PTPRR: variants seen among roughly 807,000 people sequenced by gnomAD.
PTPRR encodes receptor-type tyrosine-protein phosphatase R.
PTPRR carries 38 observed loss-of-function variants against 77.2 expected under a neutral mutation model. That is an observed-to-expected ratio of 0.49 (90% CI 0.38 to 0.65). PTPRR has a LOEUF of 0.65. Among genes scored for constraint, PTPRR ranks in the 30% least tolerant of loss-of-function variants. The probability of loss-of-function intolerance (pLI) is 0.00; values close to 1 mark genes in which losing one functional copy is unlikely to be tolerated. For missense variants in PTPRR, 744 were observed against 799.2 expected, an observed-to-expected ratio of 0.93 and a Z score of 0.83; for synonymous variants, 299 against 283.1, an observed-to-expected ratio of 1.06 and a Z score of -0.57.
intron 6 of PTPRR, among the ~76,000 whole-genome samples, chr12:70,726,974 G>A (rs1422276151): frequency 6.6e-6 from 1 of 152,046 alleles, no homozygotes; most frequent in Non-Finnish European, 1.5e-5. Context: ...ATGGCTAGGG[G>A]AGAGAAGGGG....
intron 10 of PTPRR, among the ~76,000 whole-genome samples, chr12:70,680,801 T>C (rs77191093): frequency 0.068 from 10,403 of 152,246 alleles, 558 homozygotes; most frequent in East Asian, 0.16. Flanking sequence ...TGGTGGTATA[T>C]GCGGACAGGT....
intron 2 of PTPRR, among the ~76,000 whole-genome samples, chr12:70,881,148 C>A (rs1016016805): frequency 4.6e-5 from 7 of 152,088 alleles, no homozygotes; most frequent in Non-Finnish European, 7.4e-5. Flanking sequence ...AACTTGATGG[C>A]TCAAGTCACA....
At chr12:70,898,574 T>C (rs1187629302) in intron 1 of PTPRR, among the ~76,000 whole-genome samples, 1 of 149,308 alleles carries the variant, frequency 6.7e-6, no homozygotes, top group Non-Finnish European at 1.5e-5. Context: ...TATATATGTA[T>C]ATACATATAT....
chr12:70,659,278 A>G (rs903653012), intron 12 of PTPRR, among the ~76,000 whole-genome samples: 12 of 152,110 alleles, frequency 7.9e-5, no homozygotes, highest in Non-Finnish European at 1.6e-4. Flanking sequence ...GGTGGCGGTG[A>G]GAGCATGGGG....
intron 2 of PTPRR, among the ~76,000 whole-genome samples, chr12:70,782,077 CA>C (rs1199008639): frequency 4.6e-5 from 7 of 152,032 alleles, no homozygotes; most frequent in African/African-American, 1.4e-4. Flanking sequence ...AAAAGATACC[CA>C]AATTTCTTGT....
rs368399555 is a variant in PTPRR, at chr12:70,770,833, G to T, written c.358-6055C>A. On this transcript the variant is annotated intron_variant, in intron 2 of 13. Transcript: ENST00000283228. ...GGAATACTATGCAGCCATAAAAAAT[G>T]ATGAGTTCATGTCCTTTGTAGGGAC... Among the ~76,000 whole-genome samples the T allele has an allele frequency of 4.4e-4, 67 of 152,116 alleles. No individual in the cohort carries two copies. In the East Asian group the frequency reaches 0.011, roughly 24 times the overall value.
At chr12:70,702,312 G>A (rs1470020201) in intron 6 of PTPRR, among the ~76,000 whole-genome samples, 1 of 152,004 alleles carries the variant, frequency 6.6e-6, no homozygotes, top group African/African-American at 2.4e-5. Flanking sequence ...ACTGAGGATT[G>A]AAGTCAGAGA....
chr12:70,883,197 G>A (rs1281302687), intron 2 of PTPRR, among the ~76,000 whole-genome samples: 1 of 152,102 alleles, frequency 6.6e-6, no homozygotes, highest in Non-Finnish European at 1.5e-5. Context: ...GAAGGTGAAG[G>A]TTGCAGTGAG....
chr12:70,790,973 C>T (rs1254514537), intron 2 of PTPRR, among the ~76,000 whole-genome samples: 1 of 152,066 alleles, frequency 6.6e-6, no homozygotes, highest in Non-Finnish European at 1.5e-5. Flanking sequence ...AGAACAAGAC[C>T]ACTTCTACCA....
intron 13 of PTPRR, among the ~76,000 whole-genome samples, chr12:70,641,016 T>A (rs12297160): frequency 4.6e-5 from 7 of 152,070 alleles, no homozygotes; most frequent in East Asian, 3.9e-4. Context: ...TAAGTATTCC[T>A]TGGTCAGAAG....
chr12:70,863,396 A>T (rs992129394), intron 2 of PTPRR, among the ~76,000 whole-genome samples: 9 of 152,184 alleles, frequency 5.9e-5, no homozygotes, highest in African/African-American at 2.2e-4. Context: ...AGGAAGTCAT[A>T]AATGATGCAT....
At chr12:70,720,699 G>A (rs530180876) in intron 6 of PTPRR, among the ~76,000 whole-genome samples, 1 of 152,090 alleles carries the variant, frequency 6.6e-6, no homozygotes, top group East Asian at 1.9e-4. Context: ...GCCCAGGCTG[G>A]TCTTGAACTG....
intron 4 of PTPRR, among the ~76,000 whole-genome samples, chr12:70,759,310 A>G (rs958217175): frequency 6.6e-6 from 1 of 152,148 alleles, no homozygotes; most frequent in Admixed American, 6.5e-5. Flanking sequence ...GAAGACACAG[A>G]TCAAATGACA....
chr12:70,824,971 A>G (rs544084383), intron 2 of PTPRR, among the ~76,000 whole-genome samples: 1 of 152,186 alleles, frequency 6.6e-6, no homozygotes, highest in Admixed American at 6.5e-5. Flanking sequence ...CTCCATGTAC[A>G]GTCAAGAAAG....
At chr12:70,813,461 A>G (rs773612885) in intron 2 of PTPRR, among the ~76,000 whole-genome samples, 1 of 152,224 alleles carries the variant, frequency 6.6e-6, no homozygotes, top group African/African-American at 2.4e-5. Flanking sequence ...ATCTCCTTTG[A>G]ACTCAACAAT....
At chr12:70,872,351 A>G (rs1489517901) in intron 2 of PTPRR, among the ~76,000 whole-genome samples, 1 of 151,980 alleles carries the variant, frequency 6.6e-6, no homozygotes, top group Non-Finnish European at 1.5e-5. Context: ...GCCCATATTA[A>G]ATGTTTTTCA....
intron 2 of PTPRR, among the ~76,000 whole-genome samples, chr12:70,821,521 G>A (rs1892012750): frequency 2.0e-5 from 3 of 151,896 alleles, no homozygotes; most frequent in East Asian, 1.9e-4. Flanking sequence ...CACTGTGCCC[G>A]GCTGCGATCA....
chr12:70,911,750 G>GAA (rs35226592), intron 1 of PTPRR, among the ~76,000 whole-genome samples: 37,464 of 105,470 alleles, frequency 0.36, 6,593 homozygotes, highest in East Asian at 0.53. Context: ...AGGCTCAACT[G>GAA]AAAAAAAAAA....
At chr12:70,701,410 G>A in intron 6 of PTPRR, 87 bp from the exon 7 acceptor site, 1 of 1,187,844 alleles carries the variant, frequency 8.4e-7, no homozygotes, top group African/African-American at 1.5e-5. Context: ...ACACAATTCA[G>A]TGAGAACTTT....
Sources: allele counts gnomAD v4.1 joint callset (sites outside exome capture counted in the v4.1 genomes callset), GRCh38; gene constraint gnomAD v4.1.1; transcripts MANE v1.5; gene names NCBI Gene and HGNC (gene_info 2026-07-23, HGNC 2026-07-21).